Variants in LGSN observed in about 807,000 individuals in gnomAD.
LGSN encodes the protein lengsin.
A neutral mutation model predicts 19.5 loss-of-function variants in LGSN; 21 were observed. That is an observed-to-expected ratio of 1.07 (90% confidence interval 0.76 to 1.55). The LOEUF is 1.55. Ranked by LOEUF, LGSN falls within the 40% of genes most tolerant of loss-of-function variation. LGSN has a pLI of 0.00. For missense variants in LGSN, 673 were observed against 608.5 expected, an observed-to-expected ratio of 1.11 and a Z score of -1.12; for synonymous variants, 257 against 215.6, an observed-to-expected ratio of 1.19 and a Z score of -1.68.
At chr6:63,490,651 A>G in the LGSN span, among the ~76,000 whole-genome samples, 1 of 152,008 alleles carries the variant, frequency 6.6e-6, no homozygotes, top group African/African-American at 2.4e-5. Context: ...ACTTCAGCTC[A>G]CTGCAACCTC....
the LGSN span, among the ~76,000 whole-genome samples, chr6:63,382,943 C>T: frequency 1.3e-5 from 2 of 152,034 alleles, no homozygotes; most frequent in African/African-American, 4.8e-5. Context: ...ATGAAAAAGA[C>T]AAAAGGGATT....
At chr6:63,503,500 C>T in the LGSN span, among the ~76,000 whole-genome samples, 1 of 152,344 alleles carries the variant, frequency 6.6e-6, no homozygotes, top group East Asian at 1.9e-4. Flanking sequence ...CTCTTTAATC[C>T]TCTACCCAAG....
chr6:63,494,636 T>C, the LGSN span, among the ~76,000 whole-genome samples: 1 of 152,222 alleles, frequency 6.6e-6, no homozygotes, highest in South Asian at 2.1e-4. Flanking sequence ...TACTTCTTTT[T>C]ATTCTTTTAG....
the LGSN span, among the ~76,000 whole-genome samples, chr6:63,562,719 A>AG: frequency 6.6e-6 from 1 of 152,202 alleles, no homozygotes; most frequent in Non-Finnish European, 1.5e-5. Flanking sequence ...TCAAGAGTTT[A>AG]ATTGTTCTCT....
chr6:63,280,136 A>C lies in LGSN; in HGVS notation c.1415T>G (p.Leu472Arg). The C allele has an allele frequency of 6.2e-7, 1 of 1,614,234 alleles. No homozygotes were observed. Among genetic ancestry groups the C allele is most frequent in the Non-Finnish European group, 8.5e-7 (1 of 1,180,038 alleles). The change falls in exon 4 of 4, where the codon CTG (leucine) becomes CGG (arginine). Residue 472 changes from leucine (L) to arginine (R), a missense_variant. Physicochemically the swap from Leu to Arg is moderately radical, Grantham distance 102 (BLOSUM62 -2). Coordinates refer to ENST00000370657, the MANE Select transcript of LGSN (RefSeq NM_016571.3). ...AAAGGTTTCTCCTAGAGCCTGTCTC[A>C]GGCATTGATCTTCTTCCAGTGCCAC... Reference protein sequence around the residue: ...ALVALEEDQCLRQALGETFIR... With the variant: ...ALVALEEDQCRRQALGETFIR...
chr6:63,394,914 G>A, the LGSN span: 2 of 152,818 alleles, frequency 1.3e-5, no homozygotes, highest in Non-Finnish European at 2.9e-5. Flanking sequence ...TACAGCTGAG[G>A]GTTTCAGGGC....
At chr6:63,533,312 G>C in the LGSN span, among the ~76,000 whole-genome samples, 30 of 152,176 alleles carry the variant, frequency 2.0e-4, no homozygotes, top group African/African-American at 6.8e-4. Context: ...AACCTGGGAG[G>C]CAGAGGTTAC....
the LGSN span, among the ~76,000 whole-genome samples, chr6:63,462,350 T>C: frequency 6.6e-6 from 1 of 152,232 alleles, no homozygotes; most frequent in East Asian, 1.9e-4. Context: ...TACAAACATA[T>C]GGCTGGATGT....
chr6:63,557,528 T>A, the LGSN span, among the ~76,000 whole-genome samples: 1 of 152,162 alleles, frequency 6.6e-6, no homozygotes, highest in Non-Finnish European at 1.5e-5. Context: ...ATCGCACCAC[T>A]ACACTCCAGC....
chr6:63,320,095 C>A, upstream of LGSN: 1 of 631,928 alleles, frequency 1.6e-6, no homozygotes, highest in Non-Finnish European at 2.8e-6. Flanking sequence ...AAAAGATAAA[C>A]ATCAGATTCT....
the LGSN span, among the ~76,000 whole-genome samples, chr6:63,497,379 T>C: frequency 6.6e-6 from 1 of 151,896 alleles, no homozygotes; most frequent in African/African-American, 2.4e-5. Flanking sequence ...TGAAAGCCCG[T>C]CTCTACTAAC....
chr6:63,391,245 A>G, the LGSN span, among the ~76,000 whole-genome samples: 1 of 152,232 alleles, frequency 6.6e-6, no homozygotes, highest in Non-Finnish European at 1.5e-5. Context: ...TGAGAAAAAC[A>G]TGACATTTTC....
chr6:63,316,597 G>A (rs1012043571), intron 1 of LGSN, among the ~76,000 whole-genome samples: 1 of 152,040 alleles, frequency 6.6e-6, no homozygotes, highest in African/African-American at 2.4e-5. Flanking sequence ...TTAAATCAAA[G>A]AAGAATTCTC....
the LGSN span, among the ~76,000 whole-genome samples, chr6:63,455,487 G>A: frequency 1.3e-5 from 2 of 152,174 alleles, no homozygotes; most frequent in Admixed American, 1.3e-4. Context: ...GGGCGAGGTG[G>A]CTCACTCCTG....
chr6:63,421,814 A>C, the LGSN span, among the ~76,000 whole-genome samples: 113,995 of 152,058 alleles, frequency 0.75, 43,431 homozygotes, highest in African/African-American at 0.89. Flanking sequence ...TCCTTAGGGA[A>C]CTGTGAGACT....
chr6:63,547,811 CA>C, the LGSN span, among the ~76,000 whole-genome samples: 4 of 152,140 alleles, frequency 2.6e-5, no homozygotes, highest in African/African-American at 7.2e-5. Context: ...GCGCCCGGCC[CA>C]GGGGGGGATT....
chr6:63,320,964 ACT>A (rs1164796534), upstream of LGSN, among the ~76,000 whole-genome samples: 3 of 152,028 alleles, frequency 2.0e-5, no homozygotes, highest in Non-Finnish European at 4.4e-5. Context: ...TCCATGACTG[ACT>A]CTAAAGCTTC....
chr6:63,424,482 C>T, the LGSN span, among the ~76,000 whole-genome samples: 2 of 148,518 alleles, frequency 1.3e-5, no homozygotes, highest in Non-Finnish European at 1.5e-5. Flanking sequence ...TTTTATAATG[C>T]TAGTATTGTC....
chr6:63,519,175 T>C, the LGSN span, among the ~76,000 whole-genome samples: 5 of 151,962 alleles, frequency 3.3e-5, no homozygotes, highest in African/African-American at 1.2e-4. Flanking sequence ...GGCATGATGG[T>C]GGGTGCCTGT....
Sources: allele counts gnomAD v4.1 joint callset (sites outside exome capture counted in the v4.1 genomes callset), GRCh38; gene constraint gnomAD v4.1.1; transcripts MANE v1.5; gene names NCBI Gene and HGNC (gene_info 2026-07-23, HGNC 2026-07-21).